RBL2: variants seen among roughly 807,000 people sequenced by gnomAD.
RBL2 encodes the protein retinoblastoma-like protein 2.
In RBL2, 56 loss-of-function variants were observed where a neutral mutation model predicts 126.0. The ratio of observed to expected loss-of-function variants is 0.44; its 90% CI spans 0.36 to 0.56. The LOEUF is 0.56. Among genes scored for constraint, RBL2 ranks in the 20% least tolerant of loss-of-function variants. The pLI is 0.00. For synonymous variants in RBL2, 454 were observed against 478.5 expected (o/e 0.95, Z 0.67); for missense variants, 1,229 against 1,398.2 (o/e 0.88, Z 1.93).
intron 1 of RBL2, among the ~76,000 whole-genome samples, chr16:53,437,911 C>CA (rs1463229080): frequency 6.6e-6 from 1 of 151,782 alleles, no homozygotes; most frequent in African/African-American, 2.4e-5. Flanking sequence ...CCTGTAGTCC[C>CA]AGCTACTCAG....
In RBL2 at chr16:53,480,768, A is replaced by ATGT; in HGVS notation, c.3084_3084+2dup. ...TTTGCCATGAAGTACTCACAGGCAA[A>ATGT]TGTAAGTATGACAGGGATTATTTCA... On this transcript the variant is annotated inframe_insertion and splice_region_variant, in exon 20 of 22. Transcript: ENST00000262133. 1 of 1,609,058 alleles carries ATGT rather than the reference A, an allele frequency of 6.2e-7. No homozygotes were observed. The highest frequency in any genetic ancestry group is 8.5e-7 in the Non-Finnish European group (1 of 1,176,878).
In RBL2 at chr16:53,439,117, A is replaced by G; in HGVS notation, c.342A>G (p.Leu114=). 1 of 1,606,082 alleles carries G rather than the reference A, an allele frequency of 6.2e-7. No individual in the cohort carries two copies. Among genetic ancestry groups the G allele is most frequent in the Non-Finnish European group, 8.5e-7 (1 of 1,176,608 alleles). ...KGTVEGNYVS[L]TRILKCSEQS... is the part of the protein sequence containing the mutation. The stretch of plus-strand genomic sequence containing the variant: ...CAGTGGAAGGAAACTATGTATCTTT[A>G]ACTAGAATCCTGAAATGTTCAGAGC... Residue 114 remains leucine, a synonymous_variant, in exon 2 of 22, where the codon TTA becomes TTG. Transcript: ENST00000262133.
At position 53,451,754 on chromosome 16, in the gene RBL2, T is replaced by G. The variant is rs1323733126; in HGVS notation, c.689T>G (p.Leu230Arg). ...TTGGTCAATTCTTATCACCTGCTGC[T>G]GTGTGCTTTGGACTTAGTTTATGGA... The part of the protein sequence containing the change: ...DDLVNSYHLL[L>R]CALDLVYGNA... Residue 230 changes from leucine (L) to arginine (R), a missense_variant, in exon 5 of 22, where the codon CTG becomes CGG. This residue lies in a region of RBL2 where 1,070 missense variants were observed against 1,274.3 expected (regional missense o/e 0.84). Transcript: ENST00000262133. The G allele has an allele frequency of 1.4e-5, 23 of 1,613,608 alleles. No homozygotes were observed. Among genetic ancestry groups the G allele is most frequent in the Non-Finnish European group, 1.9e-5 (23 of 1,179,508 alleles).
intron 8 of RBL2, 130 bp from the exon 9 acceptor site, chr16:53,459,321 A>T: frequency 1.4e-6 from 1 of 702,020 alleles, no homozygotes; most frequent in Non-Finnish European, 2.3e-6. Context: ...ACTAAAATTT[A>T]TTGATATTGT....
chr16:53,488,627 C>T lies in RBL2; in HGVS notation c.3250-1503C>T, dbSNP rs1483776466. 8.5e-5 allele frequency: 13 copies of T among 152,206 alleles called. No homozygotes were observed. The East Asian group carries it at 1.5e-3, about 18-fold the overall frequency. The allele number at this position is 152,206 out of a possible 1,614,324, so 9.4% of individuals were successfully genotyped here. A position where few individuals can be genotyped will look rare whatever the true frequency, so the allele number is the denominator to read the frequency against. ...GCTTATGTCTAGAACCAATCTATAA[C>T]GTACTAACATTTAGACTACTATGAG... is the stretch of plus-strand genomic sequence containing the variant. On this transcript the variant is annotated intron_variant, in intron 21 of 21. Transcript: ENST00000262133.
chr16:53,443,112 TATTA>T, intron 3 of RBL2: 1 of 173,274 alleles, frequency 5.8e-6, no homozygotes, highest in Non-Finnish European at 1.1e-5. Context: ...TTTATTTTAT[TATTA>T]TTTTTTCCTC....
chr16:53,444,200 G>A (rs957741604), intron 3 of RBL2, among the ~76,000 whole-genome samples: 8 of 152,022 alleles, frequency 5.3e-5, no homozygotes, highest in Admixed American at 3.3e-4. Flanking sequence ...AGCCAAGATC[G>A]TACCATTGCA....
intron 14 of RBL2, among the ~76,000 whole-genome samples, chr16:53,468,036 A>G (rs2058287628): frequency 1.3e-5 from 2 of 152,152 alleles, no homozygotes; most frequent in African/African-American, 2.4e-5. Context: ...TCTGGTTTGT[A>G]TTTTTTAGGC....
chr16:53,439,209 A>G, intron 2 of RBL2, 63 bp downstream of exon 2: 3 of 1,360,468 alleles, frequency 2.2e-6, no homozygotes, highest in South Asian at 3.6e-5. Context: ...TCATAGTGAT[A>G]GTAAGAATTA....
At chr16:53,439,526 TGTG>T (rs1478480950) in intron 2 of RBL2, among the ~76,000 whole-genome samples, 6 of 152,146 alleles carry the variant, frequency 3.9e-5, no homozygotes, top group Admixed American at 3.3e-4. Flanking sequence ...GCACAGGACT[TGTG>T]GTCTTAATAT....
At position 53,490,597 on chromosome 16, in the gene RBL2, G is replaced by A; in HGVS notation, c.*297G>A. 3.8e-6 allele frequency: 1 copy of A among 262,506 alleles called. No individual in the cohort carries two copies. The highest frequency in any genetic ancestry group is 1.6e-4 in the South Asian group (1 of 6,354). 16.3% of individuals were successfully genotyped at this position (262,506 alleles called of 1,614,324 possible). ...TTTAGAAATACTGCAAGAAAATGAT[G>A]TGTACCCAAACGTGAGCATAGGAGG... On this transcript the variant is annotated 3_prime_UTR_variant, in exon 22 of 22. Coordinates refer to ENST00000262133, the MANE Select transcript of RBL2 (RefSeq NM_005611.4).
Position 53,434,716 on chromosome 16 carries a change from A to G in RBL2, c.160A>G (p.Ser54Gly), listed in dbSNP as rs756355142. Residue 54 changes from serine (S) to glycine (G), a missense_variant, in exon 1 of 22, where the codon AGC becomes GGC. Physicochemically the swap from Ser to Gly is moderately conservative, Grantham distance 56. This residue lies in a region of RBL2 where 159 missense variants were observed against 123.9 expected (regional missense o/e 1.28). Transcript: ENST00000262133. Reference sequence around the variant, plus strand: ...CCAGCAGCGGTTCGACGAGCTGTGCAGCCGCCTCAACATGGACGAGGCGGC... The same window carrying G: ...CCAGCAGCGGTTCGACGAGCTGTGCGGCCGCCTCAACATGGACGAGGCGGC... ...QIQQRFDELC[S>G]RLNMDEAARA... 1.2e-5 allele frequency: 19 copies of G among 1,558,348 alleles called. No individual in the cohort carries two copies. Among genetic ancestry groups the G allele is most frequent in the Non-Finnish European group, 1.5e-5 (17 of 1,161,954 alleles).
chr16:53,475,211 T>C (rs1960682702), intron 17 of RBL2, among the ~76,000 whole-genome samples: 1 of 152,160 alleles, frequency 6.6e-6, no homozygotes, highest in African/African-American at 2.4e-5. Flanking sequence ...TTTATGATTG[T>C]AGTTTTCGTT....
Position 53,439,151 on chromosome 16 carries a change from C to G in RBL2, c.371+5C>G. On this transcript the variant is annotated splice_donor_5th_base_variant and intron_variant, in intron 2 of 21. Transcript: ENST00000262133. ...CCTGAAATGTTCAGAGCAGAGGTAACTATGTTAGAGTTTGACAAGTAGAGT... is the reference window on the plus strand; with the variant it reads ...CCTGAAATGTTCAGAGCAGAGGTAAGTATGTTAGAGTTTGACAAGTAGAGT... 3 of 1,579,556 alleles carry G rather than the reference C, an allele frequency of 1.9e-6. No individual in the cohort carries two copies. Among genetic ancestry groups the G allele is most frequent in the Non-Finnish European group, 2.6e-6 (3 of 1,165,564 alleles).
At chr16:53,472,974 G>T (rs1368380275) in intron 17 of RBL2, among the ~76,000 whole-genome samples, 1 of 152,066 alleles carries the variant, frequency 6.6e-6, no homozygotes, top group Non-Finnish European at 1.5e-5. Flanking sequence ...TCACTGAATG[G>T]CCTTGGTACC....
At chr16:53,482,800 AACTC>A (rs1053434479) in intron 21 of RBL2, among the ~76,000 whole-genome samples, 12 of 146,564 alleles carry the variant, frequency 8.2e-5, no homozygotes, top group Admixed American at 2.7e-4. Flanking sequence ...ACAAAAGCGA[AACTC>A]ACTGTCTCAA....
chr16:53,487,367 CAG>C (rs367978175), intron 21 of RBL2, among the ~76,000 whole-genome samples: 26 of 152,302 alleles, frequency 1.7e-4, no homozygotes, highest in African/African-American at 6.0e-4. Context: ...TAGAACAGAA[CAG>C]AGTCCTGAAA....
intron 7 of RBL2, chr16:53,454,445 C>T: frequency 2.0e-6 from 1 of 492,840 alleles, no homozygotes; most frequent in Non-Finnish European, 3.7e-6. Context: ...CTTCGTGATC[C>T]ACCTGCCTCA....
intron 21 of RBL2, 70 bp downstream of exon 21, chr16:53,481,905 C>G (rs1004146804): frequency 7.3e-6 from 11 of 1,498,616 alleles, no homozygotes; most frequent in African/African-American, 1.4e-5. Flanking sequence ...AGGGTTTGTG[C>G]TAAGCTTAGG....
Sources: gnomAD v4.1 joint callset for allele counts (sites outside exome capture counted in the v4.1 genomes callset) on GRCh38, gnomAD v4.1.1 for gene constraint, gnomAD v4.1.1 regional missense constraint, MANE v1.5 for transcripts, NCBI Gene and HGNC (gene_info 2026-07-23, HGNC 2026-07-21) for gene names.